Variants in DIP2C observed in about 807,000 individuals in gnomAD.
DIP2C encodes the protein disco-interacting protein 2 homolog C.
A neutral mutation model predicts 192.4 loss-of-function variants in DIP2C; 33 were observed. The observed-to-expected ratio is 0.17, with a 90% CI of 0.13 to 0.23. The LOEUF (loss-of-function observed/expected upper bound fraction) is 0.23, where lower values mean the gene tolerates loss of function less well. Among genes scored for constraint, DIP2C ranks in the 10% least tolerant of loss-of-function variants. The pLI is 1.00. For missense variants in DIP2C, 1,537 were observed against 2,110.1 expected, an observed-to-expected ratio of 0.73 and a Z score of 5.32; for synonymous variants, 979 against 864.1, an observed-to-expected ratio of 1.13 and a Z score of -2.33.
intron 1 of DIP2C, among the ~76,000 whole-genome samples, chr10:567,899 G>A (rs994418394): frequency 6.6e-6 from 1 of 152,156 alleles, no homozygotes; most frequent in African/African-American, 2.4e-5. Context: ...CAAAGCACTG[G>A]GATTATAGGT....
intron 1 of DIP2C, among the ~76,000 whole-genome samples, chr10:599,721 G>A (rs1285990721): frequency 6.6e-6 from 1 of 152,006 alleles, no homozygotes; most frequent in Non-Finnish European, 1.5e-5. Flanking sequence ...GTACTCAACT[G>A]CAACCCTCAT....
Position 327,053 on chromosome 10 carries a change from C to A in DIP2C, c.3877G>T (p.Val1293Phe). 6.2e-7 allele frequency: 1 copy of A among 1,614,116 alleles called. No individual in the cohort carries two copies. Among genetic ancestry groups the A allele is most frequent in the African/African-American group, 1.3e-5 (1 of 75,046 alleles). Residue 1293 changes from valine (V) to phenylalanine (F), a missense_variant, in exon 31 of 37, where the codon GTC becomes TTC. Transcript: ENST00000280886. Reference sequence around the variant, plus strand: ...ACCCTGCAACCGAACGAGGTGCTGACGGCCCGCGGGTGAAGGCCCAGGTCC... The same window carrying A: ...ACCCTGCAACCGAACGAGGTGCTGAAGGCCCGCGGGTGAAGGCCCAGGTCC... ...FKDLGLHPRA[V>F]STSFGCRVNL...
intron 33 of DIP2C, 43 bp downstream of exon 33, chr10:288,321 G>A (rs776663980): frequency 3.8e-6 from 6 of 1,583,806 alleles, no homozygotes; most frequent in Non-Finnish European, 5.2e-6. Context: ...ACAGTCAGAA[G>A]CGAACGGATA....
In DIP2C at chr10:348,721, C is replaced by G. The variant is rs1210574370; in HGVS notation, c.3151G>C (p.Gly1051Arg). 5.6e-6 allele frequency: 9 copies of G among 1,613,936 alleles called. No homozygotes were observed. The East Asian group carries it at 2.0e-4, about 36-fold the overall frequency. Residue 1051 changes from glycine (G) to arginine (R), a missense_variant, in exon 26 of 37, where the codon GGC becomes CGC. By Grantham distance (125) the Gly-to-Arg change is moderately radical. Around this residue, in one of 4 missense-constraint regions of DIP2C, gnomAD observed 677 missense variants for 989.9 expected, o/e 0.68. Transcript: ENST00000280886. ...IAAFYGCLYA[G>R]CVPITVRPPH... ...GGACGGACGGTTATTGGCACACAGC[C>G]TGCGTACAGGCAACCATAAAACGCT...
chr10:594,742 C>T (rs1251487484), intron 1 of DIP2C, among the ~76,000 whole-genome samples: 9 of 152,136 alleles, frequency 5.9e-5, no homozygotes, highest in African/African-American at 2.2e-4. Context: ...TCAAGAAAAC[C>T]CATGTTCACT....
chr10:472,610 C>G (rs901055887), intron 2 of DIP2C, 61 bp from the exon 3 acceptor site: 3 of 995,410 alleles, frequency 3.0e-6, no homozygotes, highest in South Asian at 1.5e-5. Flanking sequence ...TCAGCAGACT[C>G]TAACAAATCA....
Position 363,363 on chromosome 10 carries a change from C to A in DIP2C, c.2478-52G>T. ...CACGCGCCGGGGACGCTCATGCAGCCCTCCCTCCGCCATCAGGGGCTCCAT... is the reference window on the plus strand; with the variant it reads ...CACGCGCCGGGGACGCTCATGCAGCACTCCCTCCGCCATCAGGGGCTCCAT... On this transcript the variant is annotated intron_variant, in intron 20 of 36. Coordinates refer to ENST00000280886, the MANE Select transcript of DIP2C (RefSeq NM_014974.3). The surrounding 1 kb of genome is among the most constrained non-coding windows in gnomAD (Gnocchi z 5.4). 2 of 1,504,626 alleles carry A rather than the reference C, an allele frequency of 1.3e-6. No individual in the cohort carries two copies. Among genetic ancestry groups the A allele is most frequent in the Non-Finnish European group, 1.8e-6 (2 of 1,093,580 alleles). 93.2% of individuals were successfully genotyped at this position (1,504,626 alleles called of 1,614,324 possible).
intron 1 of DIP2C, among the ~76,000 whole-genome samples, chr10:561,964 C>T (rs572474071): frequency 5.3e-5 from 8 of 152,214 alleles, no homozygotes; most frequent in South Asian, 2.1e-4. Flanking sequence ...CTGCACCAGC[C>T]GGGCCGTGCA....
chr10:277,185 C>A lies in DIP2C; in HGVS notation c.*140G>T. 7.6e-7 allele frequency: 1 copy of A among 1,321,072 alleles called. No individual in the cohort carries two copies. Among genetic ancestry groups the A allele is most frequent in the Non-Finnish European group, 1.0e-6 (1 of 972,772 alleles). The allele number at this position is 1,321,072 out of a possible 1,614,324, so 81.8% of individuals were successfully genotyped here. ...AATCGTGGCTGCTGTGAGAAGTCCT[C>A]TTCCTCCTCCTCTTCCTCCTCCACT... On this transcript the variant is annotated 3_prime_UTR_variant, in exon 37 of 37. Transcript: ENST00000280886.
chr10:653,117 TAA>T (rs1276064660), intron 1 of DIP2C, among the ~76,000 whole-genome samples: 13 of 143,428 alleles, frequency 9.1e-5, no homozygotes, highest in African/African-American at 2.6e-4. Context: ...TGTACTGCCT[TAA>T]AAAAAAAAAA....
rs993653445 is a variant in DIP2C, at chr10:518,653, A to G, written c.86-32123T>C. Among the ~76,000 whole-genome samples the G allele has an allele frequency of 2.6e-5, 4 of 152,214 alleles. No individual in the cohort carries two copies. In the East Asian group the frequency reaches 7.7e-4, roughly 29 times the overall value. On this transcript the variant is annotated intron_variant, in intron 1 of 36. Transcript: ENST00000280886. ...CAGAACCCACCCATGCTGCACCCTC[A>G]TGCCACCTTCCACCCTCCAGAACTG...
intron 34 of DIP2C, among the ~76,000 whole-genome samples, chr10:285,463 G>A (rs372389272): frequency 2.6e-5 from 4 of 152,238 alleles, no homozygotes; most frequent in Non-Finnish European, 4.4e-5. Context: ...CCAACGGCAC[G>A]GCAGGCCGGG....
At chr10:567,242 G>A (rs1849514868) in intron 1 of DIP2C, among the ~76,000 whole-genome samples, 1 of 152,144 alleles carries the variant, frequency 6.6e-6, no homozygotes, top group African/African-American at 2.4e-5. Context: ...AGACCAGAGT[G>A]CAGTGGTGCA....
chr10:601,062 C>A (rs1320375437), intron 1 of DIP2C, among the ~76,000 whole-genome samples: 1 of 151,936 alleles, frequency 6.6e-6, no homozygotes, highest in Admixed American at 6.6e-5. Context: ...CTGGCGTACT[C>A]TGAAATGAAT....
At chr10:575,484 CAA>C (rs1850093432) in intron 1 of DIP2C, among the ~76,000 whole-genome samples, 1 of 152,192 alleles carries the variant, frequency 6.6e-6, no homozygotes, top group Non-Finnish European at 1.5e-5. Context: ...AAAACAAACG[CAA>C]AAGTCTCTCA....
chr10:574,445 C>T (rs1850022642), intron 1 of DIP2C, among the ~76,000 whole-genome samples: 2 of 152,214 alleles, frequency 1.3e-5, no homozygotes, highest in South Asian at 2.1e-4. Context: ...GAAGACAATT[C>T]CTCAGCAGAC....
At chr10:669,916 T>C (rs1463718131) in intron 1 of DIP2C, among the ~76,000 whole-genome samples, 1 of 152,228 alleles carries the variant, frequency 6.6e-6, no homozygotes, top group Admixed American at 6.5e-5. Context: ...AATTTATTCA[T>C]TTAATATGAC....
At chr10:491,961 G>A (rs759047327) in intron 1 of DIP2C, among the ~76,000 whole-genome samples, 4 of 152,102 alleles carry the variant, frequency 2.6e-5, no homozygotes, top group African/African-American at 4.8e-5. Flanking sequence ...AGAAAACAGG[G>A]GCTAGGAGGA....
At chr10:371,457 T>TACTG (rs1218524909) in intron 17 of DIP2C, among the ~76,000 whole-genome samples, 2 of 152,204 alleles carry the variant, frequency 1.3e-5, no homozygotes, top group African/African-American at 2.4e-5. Flanking sequence ...GATGAGGTCA[T>TACTG]ACTGGGTTAG....
Sources: allele counts gnomAD v4.1 joint callset (sites outside exome capture counted in the v4.1 genomes callset), GRCh38; gene constraint gnomAD v4.1.1; regional missense constraint gnomAD v4.1.1; non-coding constraint Gnocchi (gnomAD v3.1); transcripts MANE v1.5; gene names NCBI Gene and HGNC (gene_info 2026-07-23, HGNC 2026-07-21).